The following RBFOX1 variants were observed in gnomAD, a reference collection of about 807,000 sequenced individuals.
The protein encoded by RBFOX1 is RNA binding fox-1 homolog 1.
RBFOX1 carries 8 observed loss-of-function variants against 57.7 expected under a neutral mutation model. The ratio of observed to expected loss-of-function variants is 0.14; its 90% CI spans 0.08 to 0.25. The LOEUF is 0.25. RBFOX1 is among the 10% of genes least tolerant of loss of function. RBFOX1 has a pLI of 1.00. For synonymous variants in RBFOX1, 326 were observed against 222.4 expected (o/e 1.47, Z -4.15); for missense variants, 611 against 548.5 (o/e 1.11, Z -1.14).
intron 5 of RBFOX1, among the ~76,000 whole-genome samples, chr16:7,536,461 C>T (rs1191440182): frequency 6.6e-6 from 1 of 152,076 alleles, no homozygotes; most frequent in Non-Finnish European, 1.5e-5. Context: ...AGGTGTGGTG[C>T]TGCACACCTG....
At chr16:6,363,440 C>G (rs17436582) in intron 2 of RBFOX1, among the ~76,000 whole-genome samples, 2,984 of 152,298 alleles carry the variant, frequency 0.02, 51 homozygotes, top group Admixed American at 0.054. Context: ...GTCAAAGGGA[C>G]TGGAGACTGA....
At chr16:5,841,456 TC>T (rs2056623091) in intron 3 of RBFOX1, among the ~76,000 whole-genome samples, 1 of 152,186 alleles carries the variant, frequency 6.6e-6, no homozygotes, top group South Asian at 2.1e-4. Flanking sequence ...GAGAATAATT[TC>T]CTCACCTTGT....
intron 4 of RBFOX1, among the ~76,000 whole-genome samples, chr16:7,191,698 C>T (rs1205250157): frequency 2.0e-5 from 3 of 152,214 alleles, no homozygotes; most frequent in African/African-American, 7.2e-5. Context: ...TAAATACTGT[C>T]TTCAGTTGTT....
At chr16:5,972,740 C>A (rs1425692255) in intron 4 of RBFOX1, among the ~76,000 whole-genome samples, 1 of 152,200 alleles carries the variant, frequency 6.6e-6, no homozygotes, top group Non-Finnish European at 1.5e-5. Context: ...CCCCTGGGAG[C>A]TGCACGTGTT....
At chr16:6,057,516 A>G (rs1365184405) in intron 1 of RBFOX1, among the ~76,000 whole-genome samples, 2 of 152,164 alleles carry the variant, frequency 1.3e-5, no homozygotes, top group African/African-American at 4.8e-5. Flanking sequence ...TGGGAATACA[A>G]TGTTGAAACA....
intron 1 of RBFOX1, among the ~76,000 whole-genome samples, chr16:6,181,341 C>T (rs1465946466): frequency 6.6e-6 from 1 of 152,144 alleles, no homozygotes; most frequent in African/African-American, 2.4e-5. Flanking sequence ...TCTAGAATAC[C>T]AAAGAGTCCC....
chr16:6,804,316 C>T (rs28499537), intron 3 of RBFOX1, among the ~76,000 whole-genome samples: 1 of 151,952 alleles, frequency 6.6e-6, no homozygotes, highest in African/African-American at 2.4e-5. Flanking sequence ...CCAATACATA[C>T]AAATTTTAAC....
At chr16:6,926,792 C>G (rs919294499) in intron 3 of RBFOX1, among the ~76,000 whole-genome samples, 1 of 152,142 alleles carries the variant, frequency 6.6e-6, no homozygotes, top group African/African-American at 2.4e-5. Context: ...CTCTTGAGTT[C>G]TTAAAATTAT....
intron 3 of RBFOX1, among the ~76,000 whole-genome samples, chr16:6,741,056 A>G (rs891179431): frequency 6.6e-5 from 10 of 152,198 alleles, no homozygotes; most frequent in African/African-American, 1.9e-4. Context: ...AAGACACTGA[A>G]ATAGCCCCAG....
chr16:6,529,243 A>G (rs2096622999), intron 2 of RBFOX1, among the ~76,000 whole-genome samples: 1 of 152,118 alleles, frequency 6.6e-6, no homozygotes. Context: ...TATTGCATTG[A>G]CTGTAAGTTC....
At chr16:7,001,398 T>TTGTATA (rs55910456) in intron 3 of RBFOX1, among the ~76,000 whole-genome samples, 3,816 of 100,232 alleles carry the variant, frequency 0.038, 85 homozygotes, top group Non-Finnish European at 0.054. Flanking sequence ...GTATGTGTAT[T>TTGTATA]TGTATATGTA....
intron 2 of RBFOX1, among the ~76,000 whole-genome samples, chr16:6,574,138 G>A (rs993239358): frequency 6.6e-6 from 1 of 152,148 alleles, no homozygotes; most frequent in Non-Finnish European, 1.5e-5. Context: ...GGAGATGTGG[G>A]TTTCCATTCT....
At chr16:6,544,239 G>C (rs1246253412) in intron 2 of RBFOX1, among the ~76,000 whole-genome samples, 1 of 152,194 alleles carries the variant, frequency 6.6e-6, no homozygotes, top group Non-Finnish European at 1.5e-5. Flanking sequence ...GGTGGGGAAA[G>C]AGGTACTTCT....
intron 2 of RBFOX1, among the ~76,000 whole-genome samples, chr16:6,642,010 C>T (rs920385673): frequency 6.6e-6 from 1 of 152,178 alleles, no homozygotes; most frequent in Admixed American, 6.5e-5. Context: ...ATCCAGGAGG[C>T]TGACCACCAA....
At chr16:5,553,017 C>A (rs911335805) in intron 2 of RBFOX1, among the ~76,000 whole-genome samples, 5 of 152,122 alleles carry the variant, frequency 3.3e-5, no homozygotes, top group African/African-American at 9.7e-5. Flanking sequence ...TCATTCTCAG[C>A]AAACTGTCAC....
At chr16:7,516,380 C>T (rs955825923) in intron 4 of RBFOX1, among the ~76,000 whole-genome samples, 4 of 152,024 alleles carry the variant, frequency 2.6e-5, no homozygotes, top group African/African-American at 9.7e-5. Flanking sequence ...TATGGCTCAT[C>T]TCGTAGCGAC....
intron 3 of RBFOX1, among the ~76,000 whole-genome samples, chr16:6,891,629 C>T (rs145148750): frequency 2.7e-3 from 411 of 152,308 alleles, no homozygotes; most frequent in Middle Eastern, 6.8e-3. Flanking sequence ...TGGCAGCATT[C>T]CTTTCCTTGC....
intron 4 of RBFOX1, among the ~76,000 whole-genome samples, chr16:5,937,119 G>T (rs1290195336): frequency 6.6e-6 from 1 of 152,138 alleles, no homozygotes; most frequent in Non-Finnish European, 1.5e-5. Flanking sequence ...TATAAATAAG[G>T]CCAAAATGTT....
intron 2 of RBFOX1, among the ~76,000 whole-genome samples, chr16:6,330,722 C>A (rs904879191): frequency 7.9e-5 from 12 of 152,180 alleles, no homozygotes; most frequent in African/African-American, 2.9e-4. Context: ...AGATAAGTAA[C>A]TGTACAATAA....
Sources: gnomAD v4.1 joint callset for allele counts (sites outside exome capture counted in the v4.1 genomes callset) on GRCh38, gnomAD v4.1.1 for gene constraint, MANE v1.5 for transcripts, NCBI Gene and HGNC (gene_info 2026-07-23, HGNC 2026-07-21) for gene names.